The following CDC14A variants were observed in gnomAD, a reference collection of about 807,000 sequenced individuals.
The protein encoded by CDC14A is cell division cycle 14A, also known as dual specificity protein phosphatase CDC14A.
A neutral mutation model predicts 74.4 loss-of-function variants in CDC14A; 53 were observed. The observed-to-expected ratio is 0.71, with a 90% CI of 0.57 to 0.89. The LOEUF is 0.89. Among genes scored for constraint, CDC14A ranks in the 40% least tolerant of loss-of-function variants. CDC14A has a pLI of 0.00. For missense variants in CDC14A, 646 were observed against 713.7 expected, an observed-to-expected ratio of 0.91 and a Z score of 1.08; for synonymous variants, 247 against 258.4, an observed-to-expected ratio of 0.96 and a Z score of 0.43.
intron 4 of CDC14A, among the ~76,000 whole-genome samples, chr1:100,395,782 C>T (rs539556190): frequency 1.6e-4 from 24 of 152,138 alleles, no homozygotes; most frequent in Non-Finnish European, 3.2e-4. Context: ...CCCTCTCTAC[C>T]TCTGTGGTCT....
intron 4 of CDC14A, among the ~76,000 whole-genome samples, chr1:100,399,494 A>G (rs775734575): frequency 3.3e-5 from 5 of 152,186 alleles, no homozygotes; most frequent in Non-Finnish European, 5.9e-5. Flanking sequence ...TTTCATGTAA[A>G]CTTTGCATAT....
At chr1:100,495,938 CT>C in intron 12 of CDC14A, 63 bp from the exon 13 acceptor site, 1 of 1,338,260 alleles carries the variant, frequency 7.5e-7, no homozygotes, top group South Asian at 1.2e-5. Flanking sequence ...TTTGATGTGC[CT>C]TGTGGTCTTT....
chr1:100,510,097 A>C (rs1352077896), intron 15 of CDC14A, among the ~76,000 whole-genome samples: 1 of 152,070 alleles, frequency 6.6e-6, no homozygotes, highest in Non-Finnish European at 1.5e-5. Context: ...AAGGATACTC[A>C]TATCGTTTTG....
At chr1:100,389,138 C>T (rs184089899) in intron 3 of CDC14A, among the ~76,000 whole-genome samples, 14 of 141,970 alleles carry the variant, frequency 9.9e-5, no homozygotes, top group East Asian at 8.3e-4. Context: ...CATGCCACTG[C>T]GCTCCAGCCT....
intron 15 of CDC14A, among the ~76,000 whole-genome samples, chr1:100,514,012 T>C (rs1479820557): frequency 2.6e-5 from 4 of 152,304 alleles, no homozygotes; most frequent in African/African-American, 9.6e-5. Context: ...GAATACCACA[T>C]ATTCATAATA....
intron 15 of CDC14A, among the ~76,000 whole-genome samples, chr1:100,512,362 G>A (rs1649853051): frequency 6.6e-6 from 1 of 152,140 alleles, no homozygotes; most frequent in South Asian, 2.1e-4. Flanking sequence ...ATGTTAAAGT[G>A]TTTAGGAGCC....
At chr1:100,377,797 T>C (rs1359150759) in intron 3 of CDC14A, among the ~76,000 whole-genome samples, 176 bp downstream of exon 3, 1 of 152,200 alleles carries the variant, frequency 6.6e-6, no homozygotes, top group African/African-American at 2.4e-5. Context: ...ACAAAGGACA[T>C]GTTAACCTCT....
At chr1:100,390,230 AG>A (rs1657494965) in intron 3 of CDC14A, among the ~76,000 whole-genome samples, 1 of 152,192 alleles carries the variant, frequency 6.6e-6, no homozygotes, top group South Asian at 2.1e-4. Context: ...AGATATTAAA[AG>A]GGGGTTGTTA....
chr1:100,501,020 G>T (rs1433335855), intron 15 of CDC14A, among the ~76,000 whole-genome samples: 1 of 151,908 alleles, frequency 6.6e-6, no homozygotes, highest in Non-Finnish European at 1.5e-5. Flanking sequence ...CTTGGCCTTG[G>T]CATTAGTTTA....
At chr1:100,410,424 C>T (rs1057304951) in intron 4 of CDC14A, among the ~76,000 whole-genome samples, 11 of 152,186 alleles carry the variant, frequency 7.2e-5, no homozygotes, top group South Asian at 2.1e-4. Flanking sequence ...CAGGTTCAAG[C>T]GATTCTCCTG....
At chr1:100,464,321 G>T (rs144788281) in intron 9 of CDC14A, among the ~76,000 whole-genome samples, 1 of 152,108 alleles carries the variant, frequency 6.6e-6, no homozygotes. Flanking sequence ...TGTCTCTGGC[G>T]TGGAGTCTGT....
At chr1:100,410,643 A>G (rs937822215) in intron 4 of CDC14A, among the ~76,000 whole-genome samples, 2 of 152,232 alleles carry the variant, frequency 1.3e-5, no homozygotes, top group Admixed American at 6.5e-5. Context: ...AACAAAACCC[A>G]AAAACATTTG....
chr1:100,516,715 C>G (rs539143830), intron 15 of CDC14A, among the ~76,000 whole-genome samples: 1 of 152,154 alleles, frequency 6.6e-6, no homozygotes, highest in South Asian at 2.1e-4. Flanking sequence ...GCTGGCGTCC[C>G]TCAAGTGGAA....
chr1:100,493,931 G>A (rs1485083710), intron 11 of CDC14A, among the ~76,000 whole-genome samples: 1 of 152,162 alleles, frequency 6.6e-6, no homozygotes, highest in Non-Finnish European at 1.5e-5. Flanking sequence ...AAATAGGGGA[G>A]GGGACTATTA....
chr1:100,435,251 G>A (rs1403068298), intron 5 of CDC14A, among the ~76,000 whole-genome samples: 1 of 152,164 alleles, frequency 6.6e-6, no homozygotes, highest in Non-Finnish European at 1.5e-5. Flanking sequence ...AGGGTAGAAG[G>A]AAAATCCAGG....
intron 7 of CDC14A, among the ~76,000 whole-genome samples, chr1:100,447,259 A>T (rs1267811237): frequency 6.6e-6 from 1 of 152,154 alleles, no homozygotes; most frequent in Non-Finnish European, 1.5e-5. Context: ...CTTTATTTTC[A>T]TGTGACTTAA....
chr1:100,513,744 C>T (rs2101482542), intron 15 of CDC14A, among the ~76,000 whole-genome samples: 1 of 152,198 alleles, frequency 6.6e-6, no homozygotes, highest in Non-Finnish European at 1.5e-5. Context: ...TCCAGAATAG[C>T]TAAAATTTTA....
At chr1:100,349,063 G>A (rs767065508), upstream of CDC14A, among the ~76,000 whole-genome samples, 47 of 152,112 alleles carry the variant, frequency 3.1e-4, no homozygotes, top group African/African-American at 1.0e-3. Context: ...GCGTGGTGGC[G>A]CACATGCCTG....
intron 4 of CDC14A, chr1:100,393,164 C>T: frequency 1.3e-6 from 2 of 1,569,628 alleles, no homozygotes; most frequent in Non-Finnish European, 1.8e-6. Context: ...AATTTGACTC[C>T]ATTTCTCTCA....
Sources: gnomAD v4.1 joint callset for allele counts (sites outside exome capture counted in the v4.1 genomes callset) on GRCh38, gnomAD v4.1.1 for gene constraint, MANE v1.5 for transcripts, NCBI Gene and HGNC (gene_info 2026-07-23, HGNC 2026-07-21) for gene names.